Variants in RBFOX1 observed in about 807,000 individuals in gnomAD.
RBFOX1 encodes RNA binding protein fox-1 homolog 1.
Under a neutral mutation model 57.7 loss-of-function variants are expected in RBFOX1, and 8 were observed. That is an observed-to-expected ratio of 0.14 (90% confidence interval 0.08 to 0.25). The LOEUF (loss-of-function observed/expected upper bound fraction) is 0.25, where lower values mean the gene tolerates loss of function less well. Among genes scored for constraint, RBFOX1 ranks in the 10% least tolerant of loss-of-function variants. The pLI, the probability that RBFOX1 is intolerant of heterozygous loss-of-function variation, is 1.00. For synonymous variants in RBFOX1, 326 were observed against 222.4 expected, an observed-to-expected ratio of 1.47 and a Z score of -4.15; for missense variants, 611 against 548.5, an observed-to-expected ratio of 1.11 and a Z score of -1.14.
intron 4 of RBFOX1, among the ~76,000 whole-genome samples, chr16:7,202,343 A>T (rs1277773603): frequency 3.3e-5 from 5 of 151,498 alleles, no homozygotes; most frequent in East Asian, 1.9e-4. Context: ...GTTGATAAGG[A>T]TGTGGAAAAA....
rs562980238 is a variant in RBFOX1, at chr16:7,293,463, C to T, written c.28-224684C>T. ...GAATCACATCTTCCATTCTCTCTGC[C>T]ACCATCTTCATGTCTGCTCATACAT... On this transcript the variant is annotated intron_variant, in intron 4 of 15. Transcript: ENST00000550418. 1.1e-4 allele frequency among the ~76,000 whole-genome samples: 16 copies of T among 152,246 alleles called. No individual in the cohort carries two copies. In the South Asian group the frequency reaches 3.3e-3, roughly 32 times the overall value.
intron 1 of RBFOX1, among the ~76,000 whole-genome samples, chr16:5,354,656 A>G (rs764248361): frequency 9.9e-5 from 15 of 152,242 alleles, no homozygotes; most frequent in Non-Finnish European, 2.2e-4. Flanking sequence ...CTTTATTCCA[A>G]CCCTCTCTTT....
At chr16:6,426,550 G>C (rs2093934192) in intron 2 of RBFOX1, among the ~76,000 whole-genome samples, 1 of 152,028 alleles carries the variant, frequency 6.6e-6, no homozygotes, top group Non-Finnish European at 1.5e-5. Flanking sequence ...AGGATCTCTT[G>C]AGCCCAGGAG....
chr16:7,091,335 G>A (rs4142922), intron 4 of RBFOX1, among the ~76,000 whole-genome samples: 25,172 of 146,848 alleles, frequency 0.17, 2,641 homozygotes, highest in East Asian at 0.3. Context: ...TCACTTTATC[G>A]TTTCACACTT....
chr16:7,103,367 A>T (rs919955846), intron 4 of RBFOX1, among the ~76,000 whole-genome samples: 1 of 152,214 alleles, frequency 6.6e-6, no homozygotes, highest in Non-Finnish European at 1.5e-5. Flanking sequence ...CTGATGCTGG[A>T]ATAAAATAGC....
At chr16:6,066,750 G>A (rs17192699) in intron 1 of RBFOX1, among the ~76,000 whole-genome samples, 57,153 of 151,850 alleles carry the variant, frequency 0.38, 11,920 homozygotes, top group East Asian at 0.53. Context: ...CCCAGGTGCC[G>A]GGTACGATGT....
chr16:6,188,590 A>G (rs778261203), intron 1 of RBFOX1, among the ~76,000 whole-genome samples: 1 of 152,200 alleles, frequency 6.6e-6, no homozygotes, highest in African/African-American at 2.4e-5. Context: ...GTTTCTGCTT[A>G]CATTTTCTGC....
At chr16:6,184,180 C>T (rs2097089709) in intron 1 of RBFOX1, among the ~76,000 whole-genome samples, 1 of 152,136 alleles carries the variant, frequency 6.6e-6, no homozygotes, top group East Asian at 1.9e-4. Flanking sequence ...ATTCAGTTAC[C>T]TCCCATCCGG....
At chr16:6,883,021 T>C (rs942817082) in intron 3 of RBFOX1, among the ~76,000 whole-genome samples, 3 of 152,208 alleles carry the variant, frequency 2.0e-5, no homozygotes, top group Admixed American at 1.3e-4. Flanking sequence ...TCTGCAGATA[T>C]TCTAGATAAC....
At chr16:6,171,029 T>C (rs1377859015) in intron 1 of RBFOX1, among the ~76,000 whole-genome samples, 1 of 152,242 alleles carries the variant, frequency 6.6e-6, no homozygotes, top group Non-Finnish European at 1.5e-5. Context: ...TTTGCTATTG[T>C]GAATAGTGCT....
chr16:6,543,440 C>G (rs1310227362), intron 2 of RBFOX1, among the ~76,000 whole-genome samples: 1 of 152,142 alleles, frequency 6.6e-6, no homozygotes, highest in African/African-American at 2.4e-5. Context: ...AGCCTGCTTG[C>G]AGAGGCATTT....
rs553369815 is a variant in RBFOX1 at position 6,368,698 on chromosome 16, C to T, written c.-64+51641C>T. On this transcript the variant is annotated intron_variant, in intron 2 of 15. Coordinates refer to ENST00000550418, the MANE Select transcript of RBFOX1 (RefSeq NM_018723.4). ...ATAGGTTCATTCACCATTCATTGAA[C>T]AAATGGTTATCAATTAGTCATATGT... Among the ~76,000 whole-genome samples the T allele has an allele frequency of 1.0e-3, 156 of 152,264 alleles. 9 individuals are homozygous for T. In the South Asian group the frequency reaches 0.031, roughly 30 times the overall value.
intron 12 of RBFOX1, among the ~76,000 whole-genome samples, chr16:7,657,752 C>A (rs537234776): frequency 6.6e-6 from 1 of 152,298 alleles, no homozygotes; most frequent in South Asian, 2.1e-4. Flanking sequence ...GACATTAACA[C>A]ATGATCATTC....
intron 4 of RBFOX1, among the ~76,000 whole-genome samples, chr16:7,368,893 G>A (rs572066824): frequency 1.3e-5 from 2 of 152,204 alleles, no homozygotes; most frequent in East Asian, 3.9e-4. Flanking sequence ...AACAAAGAAA[G>A]TGCCCTCTAA....
chr16:6,569,718 C>G (rs763337805), intron 2 of RBFOX1, among the ~76,000 whole-genome samples: 1 of 152,170 alleles, frequency 6.6e-6, no homozygotes, highest in Non-Finnish European at 1.5e-5. Flanking sequence ...ACCTACCATC[C>G]AGAATTTAGT....
At chr16:6,966,234 C>G (rs950500183) in intron 3 of RBFOX1, among the ~76,000 whole-genome samples, 1 of 152,096 alleles carries the variant, frequency 6.6e-6, no homozygotes, top group Non-Finnish European at 1.5e-5. Context: ...TCACATAGGG[C>G]CACATCCAGG....
chr16:5,333,880 A>G (rs1046275734), intron 1 of RBFOX1, among the ~76,000 whole-genome samples: 2 of 152,224 alleles, frequency 1.3e-5, no homozygotes, highest in Non-Finnish European at 1.5e-5. Flanking sequence ...AAAATACAGC[A>G]TTATAATCTT....
intron 10 of RBFOX1, among the ~76,000 whole-genome samples, chr16:7,611,515 G>T (rs2057458608): frequency 6.6e-6 from 1 of 151,432 alleles, no homozygotes; most frequent in Non-Finnish European, 1.5e-5. Flanking sequence ...GGAGGCAGAG[G>T]TTGCAGTGAG....
chr16:7,059,023 G>A (rs2053410142), intron 4 of RBFOX1, among the ~76,000 whole-genome samples: 2 of 152,340 alleles, frequency 1.3e-5, no homozygotes, highest in East Asian at 1.9e-4. Context: ...TAATTTGCCA[G>A]TTACAAGCGA....
Sources: gnomAD v4.1 joint callset for allele counts (sites outside exome capture counted in the v4.1 genomes callset) on GRCh38, gnomAD v4.1.1 for gene constraint, MANE v1.5 for transcripts, NCBI Gene and HGNC (gene_info 2026-07-23, HGNC 2026-07-21) for gene names.